CFI: variants seen among roughly 807,000 people sequenced by gnomAD.
CFI encodes complement factor I, also known as C3B/C4B inactivator.
Under a neutral mutation model 78.8 loss-of-function variants are expected in CFI, and 66 were observed. That is an observed-to-expected ratio of 0.84 (90% CI 0.69 to 1.03). CFI has a LOEUF of 1.03. CFI is among the 50% of genes least tolerant of loss of function. The pLI, the probability that CFI is intolerant of heterozygous loss-of-function variation, is 0.00. For missense variants in CFI, 706 were observed against 704.5 expected (o/e 1.00, Z -0.02); for synonymous variants, 250 against 232.6 (o/e 1.07, Z -0.68).
At chr4:109,791,848 A>G (rs1216000545) in intron 1 of CFI, among the ~76,000 whole-genome samples, 2 of 152,040 alleles carry the variant, frequency 1.3e-5, no homozygotes, top group African/African-American at 4.8e-5. Context: ...TGCATATCAT[A>G]TGTTTTGGTA....
At chr4:109,750,707 T>C (rs902235255) in intron 8 of CFI, among the ~76,000 whole-genome samples, 3 of 152,214 alleles carry the variant, frequency 2.0e-5, no homozygotes, top group African/African-American at 7.2e-5. Flanking sequence ...TTTGTAAACT[T>C]GCTTCTTAGC....
At chr4:109,760,492 T>C (rs1317644111) in intron 5 of CFI, 31 bp downstream of exon 5, 1 of 1,480,124 alleles carries the variant, frequency 6.8e-7, no homozygotes, top group African/African-American at 1.4e-5. Context: ...AAAATGAATT[T>C]AGAGGATTTA....
At chr4:109,786,109 C>A (rs1001154335) in intron 1 of CFI, among the ~76,000 whole-genome samples, 4 of 151,990 alleles carry the variant, frequency 2.6e-5, no homozygotes, top group African/African-American at 9.7e-5. Flanking sequence ...CAGCTCACTG[C>A]AACTTCTGTC....
At chr4:109,749,096 T>A in intron 10 of CFI, 122 bp downstream of exon 10, 1 of 910,528 alleles carries the variant, frequency 1.1e-6, no homozygotes, top group Non-Finnish European at 1.9e-6. Context: ...GAGGATACTT[T>A]GCAATTAATA....
intron 1 of CFI, among the ~76,000 whole-genome samples, chr4:109,798,378 T>C (rs4698788): frequency 0.18 from 27,204 of 152,134 alleles, 4,617 homozygotes; most frequent in African/African-American, 0.43. Context: ...CTTTTAGAAG[T>C]GGTGAATACG....
At chr4:109,774,939 A>G (rs1171895822) in intron 1 of CFI, among the ~76,000 whole-genome samples, 1 of 152,140 alleles carries the variant, frequency 6.6e-6, no homozygotes, top group Non-Finnish European at 1.5e-5. Context: ...ATTTAGGGTT[A>G]TGAACTTTCT....
At chr4:109,799,839 A>G (rs1380258726) in intron 1 of CFI, among the ~76,000 whole-genome samples, 1 of 152,206 alleles carries the variant, frequency 6.6e-6, no homozygotes, top group Non-Finnish European at 1.5e-5. Context: ...ATGTACTCAG[A>G]TATCCTTCAA....
chr4:109,733,639 G>C, the CFI span, among the ~76,000 whole-genome samples: 1 of 152,190 alleles, frequency 6.6e-6, no homozygotes, highest in African/African-American at 2.4e-5. Flanking sequence ...CTGATGGACT[G>C]AATATGAGAG....
chr4:109,788,117 C>T lies in CFI; in HGVS notation c.57+13798G>A, dbSNP rs146784999. 4.5e-3 allele frequency among the ~76,000 whole-genome samples: 678 copies of T among 152,118 alleles called. 7 individuals are homozygous for T. The highest frequency in any genetic ancestry group is 0.016 in the African/African-American group (645 of 41,522). ...TTGTAACTAGTGGCCCTATAATCAG[C>T]CCGCAAAGGGCAGTTAGATAGTTTC... is the stretch of plus-strand genomic sequence containing the variant. On this transcript the variant is annotated intron_variant, in intron 1 of 12. Coordinates refer to ENST00000394634, the MANE Select transcript of CFI (RefSeq NM_000204.5).
chr4:109,783,834 TGATGGA>T (rs1730387205), intron 1 of CFI, among the ~76,000 whole-genome samples: 4 of 139,764 alleles, frequency 2.9e-5, no homozygotes, highest in African/African-American at 1.1e-4. Context: ...TATATATATA[TGATGGA>T]ATACTACTCA....
chr4:109,787,879 AT>A (rs1165145594), intron 1 of CFI, among the ~76,000 whole-genome samples: 2 of 152,086 alleles, frequency 1.3e-5, no homozygotes, highest in East Asian at 1.9e-4. Flanking sequence ...TTTTTAATAG[AT>A]TTTTTTGAAT....
chr4:109,738,458 G>A (rs1723507065), downstream of CFI, among the ~76,000 whole-genome samples: 1 of 152,080 alleles, frequency 6.6e-6, no homozygotes, highest in Non-Finnish European at 1.5e-5. Context: ...AAGGTGCTGC[G>A]TTGCTCCCGG....
chr4:109,767,818 A>C (rs868561808), intron 1 of CFI, among the ~76,000 whole-genome samples: 17 of 152,216 alleles, frequency 1.1e-4, no homozygotes, highest in Middle Eastern at 6.8e-3. Flanking sequence ...TGCTGCTATA[A>C]AGACACATGC....
chr4:109,797,785 T>C (rs1390576752), intron 1 of CFI, among the ~76,000 whole-genome samples: 1 of 152,196 alleles, frequency 6.6e-6, no homozygotes, highest in Non-Finnish European at 1.5e-5. Flanking sequence ...AAATAAGATA[T>C]GTAAATGGTC....
At chr4:109,752,223 G>C (rs1245633489) in intron 8 of CFI, among the ~76,000 whole-genome samples, 1 of 152,062 alleles carries the variant, frequency 6.6e-6, no homozygotes, top group Non-Finnish European at 1.5e-5. Flanking sequence ...TGTATGATTG[G>C]AGTATTGTTT....
intron 1 of CFI, among the ~76,000 whole-genome samples, chr4:109,777,218 C>T (rs1056991983): frequency 8.5e-5 from 13 of 152,068 alleles, no homozygotes; most frequent in African/African-American, 1.2e-4. Flanking sequence ...GTGCTGTATT[C>T]GGGAAACGCA....
At chr4:109,746,791 A>G (rs535995060) in intron 10 of CFI, among the ~76,000 whole-genome samples, 1 of 152,272 alleles carries the variant, frequency 6.6e-6, no homozygotes, top group Non-Finnish European at 1.5e-5. Context: ...CTGCCTCTGG[A>G]GTGAGTGTGC....
intron 8 of CFI, among the ~76,000 whole-genome samples, 158 bp from the exon 9 acceptor site, chr4:109,749,760 T>C (rs1724918518): frequency 6.6e-6 from 1 of 152,138 alleles, no homozygotes; most frequent in Non-Finnish European, 1.5e-5. Context: ...AACCATACTA[T>C]TCATCTTATT....
Position 109,771,235 on chromosome 4 carries a change from C to CA in CFI, c.58-4412dup, listed in dbSNP as rs571590964. 5.4e-3 allele frequency among the ~76,000 whole-genome samples: 814 copies of CA among 150,432 alleles called. 6 individuals carry two copies. Among genetic ancestry groups the CA allele is most frequent in the African/African-American group, 0.019 (768 of 40,970 alleles). ...TGAAACCCCAACTCTACTCAAAATA[C>CA]AAAAAAAATAAAAAATAAATAAAAA... On this transcript the variant is annotated intron_variant, in intron 1 of 12. Coordinates refer to ENST00000394634, the MANE Select transcript of CFI (RefSeq NM_000204.5).
Sources: gnomAD v4.1 joint callset for allele counts (sites outside exome capture counted in the v4.1 genomes callset) on GRCh38, gnomAD v4.1.1 for gene constraint, MANE v1.5 for transcripts, NCBI Gene and HGNC (gene_info 2026-07-23, HGNC 2026-07-21) for gene names.